CACNA2D3: variants seen among roughly 807,000 people sequenced by gnomAD.
CACNA2D3 encodes the protein voltage-dependent calcium channel subunit alpha-2/delta-3.
CACNA2D3 carries 60 observed loss-of-function variants against 160.6 expected under a neutral mutation model. The ratio of observed to expected loss-of-function variants is 0.37; its 90% confidence interval spans 0.30 to 0.46. The LOEUF (loss-of-function observed/expected upper bound fraction) is 0.46. Among genes scored for constraint, CACNA2D3 ranks in the 20% least tolerant of loss-of-function variants. The pLI is 1.00. For synonymous variants in CACNA2D3, 558 were observed against 492.9 expected, an observed-to-expected ratio of 1.13 and a Z score of -1.75; for missense variants, 1,205 against 1,365.0, an observed-to-expected ratio of 0.88 and a Z score of 1.85.
chr3:54,156,285 A>G (rs866056928), intron 2 of CACNA2D3, among the ~76,000 whole-genome samples: 6 of 152,170 alleles, frequency 3.9e-5, no homozygotes, highest in Non-Finnish European at 8.8e-5. Flanking sequence ...GACAACTGGA[A>G]TGTCATTTTC....
intron 13 of CACNA2D3, among the ~76,000 whole-genome samples, chr3:54,784,703 G>A (rs944561667): frequency 6.6e-6 from 1 of 152,202 alleles, no homozygotes; most frequent in Non-Finnish European, 1.5e-5. Flanking sequence ...CGTAGAAGAA[G>A]ATGGGACAAA....
chr3:54,885,471 G>A lies in CACNA2D3; in HGVS notation c.1959-18G>A. ...AAATATTGACATGCTCTTGTTTTGG[G>A]CCATGTCATGTTCTTAGGTCCTACT... On this transcript the variant is annotated intron_variant, in intron 22 of 37. Transcript: ENST00000474759. The A allele has an allele frequency of 1.2e-6, 2 of 1,607,976 alleles. No individual in the cohort carries two copies. The highest frequency in any genetic ancestry group is 1.1e-5 in the South Asian group (1 of 90,842).
intron 17 of CACNA2D3, among the ~76,000 whole-genome samples, chr3:54,852,783 A>G (rs760081418): frequency 4.6e-5 from 7 of 152,146 alleles, no homozygotes; most frequent in Non-Finnish European, 8.8e-5. Flanking sequence ...TCCCCCATGG[A>G]CACATGTGAA....
At chr3:54,787,636 T>C (rs1702666978) in intron 13 of CACNA2D3, among the ~76,000 whole-genome samples, 1 of 152,170 alleles carries the variant, frequency 6.6e-6, no homozygotes, top group Non-Finnish European at 1.5e-5. Context: ...CAAAGGGTAA[T>C]AAATTATGGA....
chr3:54,320,557 G>T lies in CACNA2D3; in HGVS notation c.320G>T (p.Arg107Met). The T allele has an allele frequency of 1.3e-6, 2 of 1,537,160 alleles. No individual in the cohort carries two copies. The highest frequency in any genetic ancestry group is 1.8e-6 in the Non-Finnish European group (2 of 1,134,842). ...TTTCACAAGAAGTCTGAGGCCGTCA[G>T]GGTAAGTGCCTATGTTTTGTGCCCT... The part of the protein sequence containing the change: ...EMFHKKSEAV[R>M]RLVEAAEEAH... The change falls in exon 3 of 38, where the codon AGG (arginine) becomes ATG (methionine). Residue 107 changes from arginine to methionine, a missense_variant and splice_region_variant. Physicochemically the swap from Arg to Met is moderately conservative, Grantham distance 91. This residue lies in a region of CACNA2D3 where 163 missense variants were observed against 161.3 expected (regional missense o/e 1.01). Coordinates refer to ENST00000474759, the MANE Select transcript of CACNA2D3 (RefSeq NM_018398.3).
chr3:55,037,968 T>G (rs1442112634), intron 35 of CACNA2D3, among the ~76,000 whole-genome samples: 4 of 152,230 alleles, frequency 2.6e-5, no homozygotes, highest in Non-Finnish European at 5.9e-5. Context: ...TGGGGTCTTG[T>G]CCTTGAGTCT....
intron 3 of CACNA2D3, among the ~76,000 whole-genome samples, chr3:54,326,341 C>T (rs1333607032): frequency 6.6e-6 from 1 of 152,154 alleles, no homozygotes; most frequent in Non-Finnish European, 1.5e-5. Context: ...TGTTTTTTGA[C>T]TGGTGCCTGT....
chr3:54,774,262 AC>A (rs1300409830), intron 13 of CACNA2D3, among the ~76,000 whole-genome samples: 11 of 152,196 alleles, frequency 7.2e-5, no homozygotes, highest in Non-Finnish European at 1.6e-4. Context: ...GTAATTTATA[AC>A]GAAAAGAGGT....
At chr3:54,931,924 C>G (rs1701200815) in intron 27 of CACNA2D3, among the ~76,000 whole-genome samples, 3 of 152,146 alleles carry the variant, frequency 2.0e-5, no homozygotes, top group Admixed American at 6.5e-5. Context: ...TTCACGCTTG[C>G]AATCCTAGCA....
At position 54,848,927 on chromosome 3, in the gene CACNA2D3, C is replaced by T. The variant is rs117687348; in HGVS notation, c.1626+2460C>T. Among the ~76,000 whole-genome samples, 16 of 152,300 alleles carry T rather than the reference C, an allele frequency of 1.1e-4. No individual in the cohort carries two copies. The East Asian group carries it at 1.5e-3, about 15-fold the overall frequency. On this transcript the variant is annotated intron_variant, in intron 17 of 37. Coordinates refer to ENST00000474759, the MANE Select transcript of CACNA2D3 (RefSeq NM_018398.3). The stretch of plus-strand genomic sequence containing the variant: ...AGCAGGCCCCAGAATATCTCAGAGG[C>T]AGTAGTGGTTATTTGGACATCTTGT...
At chr3:54,709,910 G>A (rs1244199750) in intron 11 of CACNA2D3, among the ~76,000 whole-genome samples, 1 of 152,156 alleles carries the variant, frequency 6.6e-6, no homozygotes, top group East Asian at 1.9e-4. Flanking sequence ...GCATGAAAGA[G>A]CAAGACCCTG....
rs138634067 is a variant in CACNA2D3 at position 54,464,700 on chromosome 3, G to A, written c.382-38792G>A. 3.4e-3 allele frequency among the ~76,000 whole-genome samples: 512 copies of A among 152,322 alleles called. 6 individuals carry two copies. Among genetic ancestry groups the A allele is most frequent in the Middle Eastern group, 0.014 (4 of 292 alleles). ...GTCACCCCTTTCTTTGACTAGGAAGGGGAACTCCCTGACCCCTCGCGCTTC... is the reference window on the plus strand; with the variant it reads ...GTCACCCCTTTCTTTGACTAGGAAGAGGAACTCCCTGACCCCTCGCGCTTC... On this transcript the variant is annotated intron_variant, in intron 4 of 37. Coordinates refer to ENST00000474759, the MANE Select transcript of CACNA2D3 (RefSeq NM_018398.3).
intron 35 of CACNA2D3, among the ~76,000 whole-genome samples, chr3:55,043,215 G>C (rs1015718741): frequency 2.6e-5 from 4 of 152,016 alleles, no homozygotes; most frequent in Non-Finnish European, 5.9e-5. Context: ...GTACCATTTT[G>C]CCTTCTTGTC....
intron 17 of CACNA2D3, among the ~76,000 whole-genome samples, chr3:54,852,417 A>T (rs1699079094): frequency 6.6e-6 from 1 of 152,186 alleles, no homozygotes; most frequent in Non-Finnish European, 1.5e-5. Context: ...TGCCAAAGCC[A>T]TTTCTGTTGT....
intron 12 of CACNA2D3, among the ~76,000 whole-genome samples, chr3:54,757,230 T>C (rs1406407206): frequency 6.6e-6 from 1 of 152,094 alleles, no homozygotes; most frequent in Non-Finnish European, 1.5e-5. Context: ...AAGAAGGGCC[T>C]CCATGTTTGG....
intron 11 of CACNA2D3, among the ~76,000 whole-genome samples, chr3:54,730,953 A>C (rs1371632498): frequency 1.3e-5 from 2 of 152,236 alleles, no homozygotes; most frequent in African/African-American, 4.8e-5. Context: ...GAAACTGTCA[A>C]GAGATCAAGT....
At position 55,074,422 on chromosome 3, in the gene CACNA2D3, T is replaced by TGTGA. The variant is rs1365687830; in HGVS notation, c.*219_*222dup. On this transcript the variant is annotated 3_prime_UTR_variant, in exon 38 of 38. Transcript: ENST00000474759. Reference sequence around the variant, plus strand: ...CTTTTTACTTTGCCAGTCATGCAAATGTGAGTTTGCCACATGATAATCACC... The same window carrying TGTGA: ...CTTTTTACTTTGCCAGTCATGCAAATGTGAGTGAGTTTGCCACATGATAATCACC... 2.0e-5 allele frequency: 11 copies of TGTGA among 557,776 alleles called. No homozygotes were observed. The highest frequency in any genetic ancestry group is 7.6e-5 in the African/African-American group (4 of 52,778). 34.6% of individuals were successfully genotyped at this position (557,776 alleles called of 1,614,324 possible).
intron 23 of CACNA2D3, 106 bp from the exon 24 acceptor site, chr3:54,887,853 C>A (rs557026842): frequency 2.5e-6 from 2 of 811,602 alleles, no homozygotes; most frequent in Non-Finnish European, 4.2e-6. Flanking sequence ...AGCAACATGC[C>A]GCATGAGAAA....
intron 4 of CACNA2D3, among the ~76,000 whole-genome samples, chr3:54,483,977 G>T (rs989705376): frequency 3.3e-5 from 5 of 152,144 alleles, no homozygotes; most frequent in Non-Finnish European, 7.4e-5. Context: ...CACTGAAATT[G>T]TTCACATCAG....
Sources: allele counts gnomAD v4.1 joint callset (sites outside exome capture counted in the v4.1 genomes callset), GRCh38; gene constraint gnomAD v4.1.1; regional missense constraint gnomAD v4.1.1; transcripts MANE v1.5; gene names NCBI Gene and HGNC (gene_info 2026-07-23, HGNC 2026-07-21).